SLC6A11: variants seen among roughly 807,000 people sequenced by gnomAD.
SLC6A11 encodes solute carrier family 6 member 11, also known as sodium- and chloride-dependent GABA transporter 3.
SLC6A11 carries 25 observed loss-of-function variants against 74.8 expected under a neutral mutation model. The ratio of observed to expected loss-of-function variants is 0.33; its 90% confidence interval spans 0.24 to 0.47. The LOEUF is 0.47. Among genes scored for constraint, SLC6A11 ranks in the 20% least tolerant of loss-of-function variants. SLC6A11 has a pLI of 1.00. For missense variants in SLC6A11, 574 were observed against 837.0 expected (o/e 0.69, Z 3.88); for synonymous variants, 330 against 330.2 (o/e 1.00, Z 0.01).
intron 6 of SLC6A11, among the ~76,000 whole-genome samples, chr3:10,896,183 C>G (rs913648915): frequency 2.6e-5 from 4 of 152,232 alleles, no homozygotes; most frequent in Admixed American, 2.6e-4. Context: ...ACATCCACAC[C>G]AGGGTGGGGA....
intron 13 of SLC6A11, 156 bp downstream of exon 13, chr3:10,935,355 T>A (rs1695747522): frequency 3.0e-6 from 2 of 658,246 alleles, no homozygotes; most frequent in East Asian, 5.5e-5. Flanking sequence ...AGTATCATGG[T>A]TGTGCCCAAG....
chr3:10,903,252 G>A (rs1333976179), intron 6 of SLC6A11, among the ~76,000 whole-genome samples: 1 of 152,170 alleles, frequency 6.6e-6, no homozygotes, highest in Non-Finnish European at 1.5e-5. Context: ...TCTGATTGGA[G>A]GCTCTCTTTG....
At chr3:10,840,419 C>G (rs771369691) in intron 4 of SLC6A11, among the ~76,000 whole-genome samples, 23 of 152,214 alleles carry the variant, frequency 1.5e-4, no homozygotes, top group Non-Finnish European at 2.8e-4. Context: ...GAGCTTCCCC[C>G]ACCTTTCTCT....
At position 10,918,335 on chromosome 3, in the gene SLC6A11, C is replaced by T. The variant is rs1475427725; in HGVS notation, c.1002C>T (p.Cys334=). The change falls in exon 8 of 14, where the codon TGC becomes TGT. Residue 334 remains cysteine (C), a synonymous_variant. Transcript: ENST00000254488. This position sits in a 1 kb window ranked among gnomAD's most constrained non-coding sequence, Gnocchi z 4.5. Reference sequence around the variant, plus strand: ...TCTCGCTGCTTCCCCACAGGGACTGCATCATGCTCTGTTGCCTGAACAGCG... The same window carrying T: ...TCTCGCTGCTTCCCCACAGGGACTGTATCATGCTCTGTTGCCTGAACAGCG... ...NNYNNNCYRD[C]IMLCCLNSGT... 3 of 1,598,104 alleles carry T rather than the reference C, an allele frequency of 1.9e-6. No individual in the cohort carries two copies. Among genetic ancestry groups the T allele is most frequent in the Non-Finnish European group, 2.6e-6 (3 of 1,173,942 alleles).
At chr3:10,928,510 G>T (rs571662552) in intron 9 of SLC6A11, among the ~76,000 whole-genome samples, 1 of 152,132 alleles carries the variant, frequency 6.6e-6, no homozygotes, top group African/African-American at 2.4e-5. Flanking sequence ...TTAATGGGTG[G>T]GTAGGAACTG....
intron 6 of SLC6A11, among the ~76,000 whole-genome samples, chr3:10,877,123 A>G (rs374089303): frequency 2.0e-4 from 31 of 152,326 alleles, no homozygotes; most frequent in Middle Eastern, 6.8e-3. Context: ...TTTTATAAAT[A>G]ATGTTTTATT....
intron 6 of SLC6A11, among the ~76,000 whole-genome samples, chr3:10,899,664 C>G (rs1225968664): frequency 3.3e-5 from 5 of 152,226 alleles, no homozygotes; most frequent in Non-Finnish European, 7.3e-5. Context: ...ACTGGAATAG[C>G]CTGCCACTTT....
intron 8 of SLC6A11, among the ~76,000 whole-genome samples, chr3:10,922,304 AC>A (rs1559584304): frequency 6.6e-6 from 1 of 152,222 alleles, no homozygotes; most frequent in Non-Finnish European, 1.5e-5. Context: ...TAACAAAAAA[AC>A]ATAAGATTAG....
At chr3:10,845,415 T>C (rs1329682613) in intron 5 of SLC6A11, among the ~76,000 whole-genome samples, 1 of 152,194 alleles carries the variant, frequency 6.6e-6, no homozygotes, top group Non-Finnish European at 1.5e-5. Flanking sequence ...GAAGCGTCTC[T>C]CATGCCTGGG....
intron 4 of SLC6A11, among the ~76,000 whole-genome samples, chr3:10,843,357 T>G (rs1694462126): frequency 6.6e-6 from 1 of 152,088 alleles, no homozygotes; most frequent in Non-Finnish European, 1.5e-5. Context: ...CTGCTTACCT[T>G]TCCTGCTTTT....
chr3:10,833,369 A>G (rs1241851095), intron 4 of SLC6A11, among the ~76,000 whole-genome samples: 1 of 152,116 alleles, frequency 6.6e-6, no homozygotes, highest in Non-Finnish European at 1.5e-5. Context: ...GCCCACTGCC[A>G]ATTAAGTGTA....
At chr3:10,849,340 TTG>T (rs1694543846) in intron 5 of SLC6A11, among the ~76,000 whole-genome samples, 1 of 152,198 alleles carries the variant, frequency 6.6e-6, no homozygotes, top group Non-Finnish European at 1.5e-5. Flanking sequence ...AGAGACGTCT[TTG>T]TGATTTTCCT....
rs1295158249 is a variant in SLC6A11, at chr3:10,912,176, T to C, written c.978T>C (p.Tyr326=). 3 of 1,610,456 alleles carry C rather than the reference T, an allele frequency of 1.9e-6. No individual in the cohort carries two copies. The highest frequency in any genetic ancestry group is 2.5e-6 in the Non-Finnish European group (3 of 1,176,814). The part of the protein sequence containing the change: ...CLTALGSYNN[Y]NNNCYRDCIM... ...CCGCTCTGGGAAGTTATAACAATTA[T>C]AACAACAACTGCTACAGGTGAGCAT... The change falls in exon 7 of 14, where the codon TAT becomes TAC. Residue 326 remains tyrosine, a synonymous_variant. Coordinates refer to ENST00000254488, the MANE Select transcript of SLC6A11 (RefSeq NM_014229.3).
intron 6 of SLC6A11, among the ~76,000 whole-genome samples, chr3:10,884,940 A>G (rs1323903101): frequency 1.3e-5 from 2 of 152,274 alleles, no homozygotes; most frequent in African/African-American, 2.4e-5. Flanking sequence ...CCACTTTGAG[A>G]GTATCTACCA....
chr3:10,866,438 G>GGAGACCACCTGCTGGGCTGT (rs1252873370), intron 5 of SLC6A11, among the ~76,000 whole-genome samples: 3 of 152,316 alleles, frequency 2.0e-5, no homozygotes, highest in Admixed American at 2.0e-4. Context: ...GTGGTGGGAT[G>GGAGACCACCTGCTGGGCTGT]GAGACCACCT....
intron 5 of SLC6A11, among the ~76,000 whole-genome samples, chr3:10,860,721 G>T (rs762462456): frequency 6.6e-6 from 1 of 152,174 alleles, no homozygotes; most frequent in Non-Finnish European, 1.5e-5. Context: ...CCTGTCAAAA[G>T]GTTTATCCTT....
intron 6 of SLC6A11, among the ~76,000 whole-genome samples, chr3:10,894,411 TGCAGAGA>T (rs1695145677): frequency 6.6e-6 from 1 of 152,150 alleles, no homozygotes; most frequent in South Asian, 2.1e-4. Context: ...ACATTGGGCC[TGCAGAGA>T]GCAGAGAGAT....
At chr3:10,844,370 C>T (rs1694477233) in intron 5 of SLC6A11, 24 bp downstream of exon 5, 1 of 1,613,892 alleles carries the variant, frequency 6.2e-7, no homozygotes, top group African/African-American at 1.3e-5. Flanking sequence ...CTTCAAGCAG[C>T]TAACCGTGGC....
rs530175290 is a variant in SLC6A11, at chr3:10,919,064, CT to C, written c.1120+613del. Among the ~76,000 whole-genome samples the C allele has an allele frequency of 4.0e-3, 613 of 152,214 alleles. 4 individuals are homozygous for C. Among genetic ancestry groups the C allele is most frequent in the Non-Finnish European group, 7.0e-3 (478 of 68,002 alleles). On this transcript the variant is annotated intron_variant, in intron 8 of 13. Coordinates refer to ENST00000254488, the MANE Select transcript of SLC6A11 (RefSeq NM_014229.3). ...TCCTCCCTCAGGGCCTTTGCACATGCTTCCCCTTTGCTTGGAGAGCACCTCT... is the reference window on the plus strand; with the variant it reads ...TCCTCCCTCAGGGCCTTTGCACATGCTCCCCTTTGCTTGGAGAGCACCTCT...
Sources: gnomAD v4.1 joint callset for allele counts (sites outside exome capture counted in the v4.1 genomes callset) on GRCh38, gnomAD v4.1.1 for gene constraint, Gnocchi (gnomAD v3.1) non-coding constraint, MANE v1.5 for transcripts, NCBI Gene and HGNC (gene_info 2026-07-23, HGNC 2026-07-21) for gene names.